The following DOCK1 variants were observed in gnomAD, a reference collection of about 807,000 sequenced individuals.
DOCK1 encodes the protein dedicator of cytokinesis 1.
Under a neutral mutation model 262.7 loss-of-function variants are expected in DOCK1, and 138 were observed. The ratio of observed to expected loss-of-function variants is 0.53; its 90% CI spans 0.46 to 0.61. The LOEUF is 0.61. Among genes scored for constraint, DOCK1 ranks in the 20% least tolerant of loss-of-function variants. The probability of loss-of-function intolerance (pLI) is 0.00; values close to 1 mark genes in which losing one functional copy is unlikely to be tolerated. For missense variants in DOCK1, 1,908 were observed against 2,370.7 expected, an observed-to-expected ratio of 0.80 and a Z score of 4.05; for synonymous variants, 866 against 867.4, an observed-to-expected ratio of 1.00 and a Z score of 0.03.
In DOCK1 at chr10:127,043,180, G is replaced by T; in HGVS notation, c.2201+16G>T. On this transcript the variant is annotated intron_variant, in intron 21 of 51. Coordinates refer to ENST00000623213, the MANE Select transcript of DOCK1 (RefSeq NM_001290223.2). ...TAGCCTACACGTAAGTTCCTACTTT[G>T]TTTTAAAACCAATACTTCTTTTTTT... 1 of 1,569,642 alleles carries T rather than the reference G, an allele frequency of 6.4e-7. No individual in the cohort carries two copies. The highest frequency in any genetic ancestry group is 8.7e-7 in the Non-Finnish European group (1 of 1,147,896).
At chr10:126,974,155 G>C (rs928530823) in intron 2 of DOCK1, among the ~76,000 whole-genome samples, 4 of 152,088 alleles carry the variant, frequency 2.6e-5, no homozygotes, top group African/African-American at 9.7e-5. Context: ...GGTGAGGCCA[G>C]GCCCCAGTGT....
intron 2 of DOCK1, among the ~76,000 whole-genome samples, chr10:126,974,164 G>A (rs2038330660): frequency 6.6e-6 from 1 of 152,210 alleles, no homozygotes; most frequent in South Asian, 2.1e-4. Flanking sequence ...AGGCCCCAGT[G>A]TTGATTGAGT....
At chr10:127,285,851 C>A (rs1244403285) in intron 29 of DOCK1, among the ~76,000 whole-genome samples, 3 of 152,178 alleles carry the variant, frequency 2.0e-5, no homozygotes, top group Non-Finnish European at 4.4e-5. Flanking sequence ...CAGGAATCAC[C>A]TGAAAGACCT....
intron 27 of DOCK1, among the ~76,000 whole-genome samples, chr10:127,192,426 C>T (rs1429350838): frequency 6.6e-6 from 1 of 152,206 alleles, no homozygotes; most frequent in African/African-American, 2.4e-5. Flanking sequence ...GCTGGGAATA[C>T]ATACTCAGCA....
chr10:127,137,942 C>T, intron 27 of DOCK1: 1 of 1,614,114 alleles, frequency 6.2e-7, no homozygotes, highest in Non-Finnish European at 8.5e-7. Flanking sequence ...AAGGTATGAC[C>T]TGAGTTTCCT....
rs559869704 is a variant in DOCK1, at chr10:126,985,137, T to C, written c.228-2384T>C. ...CTGGGATTACAGGCGCACGCCACCA[T>C]GCCTGGCTAATTTTTGTATTTTTAG... On this transcript the variant is annotated intron_variant, in intron 4 of 51. Transcript: ENST00000623213. Among the ~76,000 whole-genome samples, 236 of 152,170 alleles carry C rather than the reference T, an allele frequency of 1.6e-3. 2 individuals are homozygous for C. Among genetic ancestry groups the C allele is most frequent in the African/African-American group, 5.5e-3 (230 of 41,514 alleles).
At chr10:126,997,029 G>C (rs2040247557) in intron 7 of DOCK1, 146 bp downstream of exon 7, 1 of 891,000 alleles carries the variant, frequency 1.1e-6, no homozygotes, top group African/African-American at 1.7e-5. Context: ...AGTCATGAGT[G>C]GAATGGAGCC....
chr10:127,264,368 A>T (rs141255787), intron 29 of DOCK1, among the ~76,000 whole-genome samples: 76 of 152,234 alleles, frequency 5.0e-4, no homozygotes, highest in Middle Eastern at 3.4e-3. Context: ...TGTGTTTGAG[A>T]CTTCCTGTTC....
At position 126,947,043 on chromosome 10, in the gene DOCK1, T is replaced by A. The variant is rs910755372; in HGVS notation, c.47-23659T>A. Among the ~76,000 whole-genome samples, 1,018 of 152,340 alleles carry A rather than the reference T, an allele frequency of 6.7e-3. 13 individuals carry two copies. Among genetic ancestry groups the A allele is most frequent in the African/African-American group, 0.023 (975 of 41,584 alleles). ...GGGAGAGATGCGGTCCAAGGACTGG[T>A]ACCTGGAGGCTTGGCAGCAGCATGC... On this transcript the variant is annotated intron_variant, in intron 1 of 51. Coordinates refer to ENST00000623213, the MANE Select transcript of DOCK1 (RefSeq NM_001290223.2).
intron 12 of DOCK1, chr10:127,015,982 C>T (rs1477019587): frequency 1.3e-5 from 2 of 152,372 alleles, no homozygotes; most frequent in East Asian, 3.9e-4. Context: ...TCCCTCACTT[C>T]CTGCAGGTCT....
At chr10:127,401,812 G>C (rs941819485) in intron 38 of DOCK1, among the ~76,000 whole-genome samples, 1 of 152,212 alleles carries the variant, frequency 6.6e-6, no homozygotes, top group Non-Finnish European at 1.5e-5. Context: ...GCTCATGCCT[G>C]ACTAGCTACC....
intron 29 of DOCK1, among the ~76,000 whole-genome samples, chr10:127,262,213 CGTGT>C (rs1554934725): frequency 7.9e-6 from 1 of 126,580 alleles, no homozygotes; most frequent in African/African-American, 3.0e-5. Context: ...TGTGTGTGTG[CGTGT>C]GTGTGTGTGT....
At position 127,248,041 on chromosome 10, in the gene DOCK1, C is replaced by T. The variant is rs758055664; in HGVS notation, c.2881C>T (p.Arg961Ter). 5.6e-6 allele frequency: 9 copies of T among 1,613,806 alleles called. No individual in the cohort carries two copies. The highest frequency in any genetic ancestry group is 6.8e-6 in the Non-Finnish European group (8 of 1,179,894). The change falls in exon 28 of 52, where the codon CGA (arginine) becomes TGA (stop). Residue 961 changes from arginine to a stop codon, truncating the protein, a stop_gained. Coordinates refer to ENST00000623213, the MANE Select transcript of DOCK1 (RefSeq NM_001290223.2). LOFTEE classifies it high-confidence loss of function. ...NFVACMTAIL[R>*]QMEDYHYAHL... is the part of the protein sequence containing the mutation. ...CGTGGCTTGCATGACAGCTATTTTA[C>T]GACAAATGGAAGATTACCATTATGC...
chr10:127,400,490 A>G (rs1052301569), intron 38 of DOCK1, among the ~76,000 whole-genome samples: 10 of 152,344 alleles, frequency 6.6e-5, no homozygotes, highest in Middle Eastern at 3.4e-3. Flanking sequence ...AAGTGCTGCT[A>G]TGTGGCCATC....
intron 11 of DOCK1, among the ~76,000 whole-genome samples, chr10:127,011,464 T>A (rs2041436204): frequency 1.3e-5 from 2 of 152,244 alleles, no homozygotes; most frequent in African/African-American, 4.8e-5. Context: ...GGATTGATTT[T>A]AAACATTATG....
chr10:127,255,318 T>C (rs1359659568), intron 28 of DOCK1, among the ~76,000 whole-genome samples: 2 of 152,118 alleles, frequency 1.3e-5, no homozygotes, highest in South Asian at 2.1e-4. Flanking sequence ...GGAGGATCAC[T>C]TGGGTCCCAG....
chr10:127,336,200 G>A (rs767012768), intron 29 of DOCK1, among the ~76,000 whole-genome samples: 14 of 152,076 alleles, frequency 9.2e-5, no homozygotes, highest in South Asian at 2.1e-4. Flanking sequence ...TGATTGGCCC[G>A]GGGCATAGCT....
intron 40 of DOCK1, 138 bp downstream of exon 40, chr10:127,404,567 G>GC (rs2067407041): frequency 1.3e-6 from 1 of 742,268 alleles, no homozygotes; most frequent in South Asian, 1.9e-5. Context: ...TCGGTGGTTA[G>GC]CCCGGGGGGC....
At chr10:127,156,329 C>T (rs2133569015) in intron 27 of DOCK1, among the ~76,000 whole-genome samples, 1 of 152,236 alleles carries the variant, frequency 6.6e-6, no homozygotes, top group East Asian at 1.9e-4. Flanking sequence ...CTGATGCTCC[C>T]TGTCACCTTG....
Sources: allele counts gnomAD v4.1 joint callset (sites outside exome capture counted in the v4.1 genomes callset), GRCh38; gene constraint gnomAD v4.1.1; transcripts MANE v1.5; gene names NCBI Gene and HGNC (gene_info 2026-07-23, HGNC 2026-07-21).